MICAL3: variants seen among roughly 807,000 people sequenced by gnomAD.
MICAL3 encodes microtubule associated monooxygenase, calponin and LIM domain containing 3.
Under a neutral mutation model 207.4 loss-of-function variants are expected in MICAL3, and 62 were observed. That is an observed-to-expected ratio of 0.30 (90% confidence interval 0.24 to 0.37). MICAL3 has a LOEUF of 0.37. MICAL3 is among the 10% of genes least tolerant of loss of function. The pLI, the probability that MICAL3 is intolerant of heterozygous loss-of-function variation, is 1.00. For missense variants in MICAL3, 2,368 were observed against 2,635.6 expected, an observed-to-expected ratio of 0.90 and a Z score of 2.22; for synonymous variants, 1,077 against 1,069.3, an observed-to-expected ratio of 1.01 and a Z score of -0.14.
At position 17,978,057 on chromosome 22, in the gene MICAL3, TA is replaced by T. The variant is rs1236935142; in HGVS notation, c.-75+46223del. On this transcript the variant is annotated intron_variant, in intron 1 of 31. Transcript: ENST00000441493. The stretch of plus-strand genomic sequence containing the variant: ...AAATAAATAATAAAATAAAATAAAA[TA>T]AAAAAATATACACCTACACAAAAAC... 1.3e-4 allele frequency among the ~76,000 whole-genome samples: 18 copies of T among 137,634 alleles called. No homozygotes were observed. The East Asian group carries it at 3.1e-3, about 24-fold the overall frequency. The allele number at this position is 137,634 out of a possible 152,430, so 90.3% of individuals were successfully genotyped here.
chr22:17,928,881 AC>A (rs1480514597), intron 1 of MICAL3, among the ~76,000 whole-genome samples: 19 of 151,854 alleles, frequency 1.3e-4, no homozygotes, highest in Admixed American at 1.2e-3. Context: ...TGCAAGCTCC[AC>A]CTCCCGGGTT....
At chr22:17,990,568 C>T (rs1055361726) in intron 1 of MICAL3, among the ~76,000 whole-genome samples, 1 of 152,182 alleles carries the variant, frequency 6.6e-6, no homozygotes, top group Non-Finnish European at 1.5e-5. Flanking sequence ...GGATAAGGAA[C>T]ACACTCCCGG....
rs535688208 is a variant in MICAL3, at chr22:17,834,616, G to A, written c.2802-2509C>T. On this transcript the variant is annotated intron_variant, in intron 20 of 31. Coordinates refer to ENST00000441493, the MANE Select transcript of MICAL3 (RefSeq NM_015241.3). The stretch of plus-strand genomic sequence containing the variant: ...GCTCCTTATTCTCAAGGGGAGGAAA[G>A]GTGTACGCACATCATGCTAAAGCGC... 11 of 1,104,538 alleles carry A rather than the reference G, an allele frequency of 1.0e-5. No homozygotes were observed. The Admixed American group carries it at 1.4e-4, about 15-fold the overall frequency. The allele number at this position is 1,104,538 out of a possible 1,614,324, so 68.4% of individuals were successfully genotyped here. A position where few individuals can be genotyped will look rare whatever the true frequency, so the allele number is the denominator to read the frequency against.
rs547639800 is a variant in MICAL3, at chr22:17,952,910, C to T, written c.-74-46024G>A. Among the ~76,000 whole-genome samples the T allele has an allele frequency of 1.4e-4, 21 of 152,304 alleles. No individual in the cohort carries two copies. In the South Asian group the frequency reaches 1.7e-3, roughly 12 times the overall value. On this transcript the variant is annotated intron_variant, in intron 1 of 31. Coordinates refer to ENST00000441493, the MANE Select transcript of MICAL3 (RefSeq NM_015241.3). Reference sequence around the variant, plus strand: ...AGAAGACAACACCCACCTCAGAGCACGGTTGTAACATATGTAAAATGCCTT... The same window carrying T: ...AGAAGACAACACCCACCTCAGAGCATGGTTGTAACATATGTAAAATGCCTT...
intron 29 of MICAL3, among the ~76,000 whole-genome samples, chr22:17,797,735 G>A (rs112536424): frequency 0.011 from 1,672 of 152,320 alleles, 10 homozygotes; most frequent in Non-Finnish European, 0.017. Context: ...GATGATGCGG[G>A]AGACTACTAA....
chr22:17,805,428 T>C (rs2061979848), intron 29 of MICAL3, among the ~76,000 whole-genome samples: 1 of 152,274 alleles, frequency 6.6e-6, no homozygotes. Flanking sequence ...AATTCTTATA[T>C]TCTTATGGTA....
At chr22:17,899,597 T>C (rs747365066) in intron 6 of MICAL3, 49 bp from the exon 7 acceptor site, 14 of 1,220,928 alleles carry the variant, frequency 1.1e-5, no homozygotes, top group Non-Finnish European at 1.4e-5. Flanking sequence ...GAGATGAAGG[T>C]GCATCAGGGC....
At chr22:17,873,652 G>A (rs1292627177) in intron 16 of MICAL3, among the ~76,000 whole-genome samples, 7 of 152,340 alleles carry the variant, frequency 4.6e-5, no homozygotes, top group African/African-American at 1.7e-4. Flanking sequence ...GCTTATTTTA[G>A]AGGTTGAAGA....
rs867704491 is a variant in MICAL3, at chr22:17,987,214, C to A, written c.-75+37067G>T. 7.9e-4 allele frequency among the ~76,000 whole-genome samples: 121 copies of A among 152,246 alleles called. 2 individuals carry two copies. The highest frequency in any genetic ancestry group is 2.7e-3 in the African/African-American group (113 of 41,526). On this transcript the variant is annotated intron_variant, in intron 1 of 31. Coordinates refer to ENST00000441493, the MANE Select transcript of MICAL3 (RefSeq NM_015241.3). Reference sequence around the variant, plus strand: ...TATGATCATGCCACCGCACTCCAGCCTGGGTGACAGAGCAAGACCCTAACT... The same window carrying A: ...TATGATCATGCCACCGCACTCCAGCATGGGTGACAGAGCAAGACCCTAACT...
chr22:17,881,385 G>T, intron 16 of MICAL3: 1 of 1,168,830 alleles, frequency 8.6e-7, no homozygotes, highest in Non-Finnish European at 1.2e-6. Context: ...GGACTGAAGG[G>T]TGTTTGTCAG....
chr22:17,875,397 G>T, intron 16 of MICAL3: 3 of 1,205,840 alleles, frequency 2.5e-6, no homozygotes, highest in South Asian at 3.1e-5. Flanking sequence ...AAAGTGACGT[G>T]AGTGGAGGCT....
intron 19 of MICAL3, among the ~76,000 whole-genome samples, chr22:17,856,812 G>A (rs1050945753): frequency 2.6e-5 from 4 of 151,688 alleles, no homozygotes; most frequent in African/African-American, 4.8e-5. Flanking sequence ...TAGTAGAGAC[G>A]GGGTTTCACC....
chr22:17,801,825 C>T lies in MICAL3; in HGVS notation c.5650+7019G>A, dbSNP rs570123940. Among the ~76,000 whole-genome samples the T allele has an allele frequency of 3.1e-3, 478 of 152,052 alleles. 2 individuals are homozygous for T. Among genetic ancestry groups the T allele is most frequent in the African/African-American group, 0.011 (459 of 41,492 alleles). On this transcript the variant is annotated intron_variant, in intron 29 of 31. Transcript: ENST00000441493. ...AGGAGAATCGCTTGAACCCGGGAGG[C>T]GGAGCTTGCAGTGAGCCAAAATCGC...
chr22:17,863,331 T>G (rs1266011559), intron 19 of MICAL3: 1 of 985,284 alleles, frequency 1.0e-6, no homozygotes, highest in African/African-American at 1.7e-5. Flanking sequence ...AATCCATCTC[T>G]GATGAAATAG....
chr22:17,908,959 G>A (rs1931943682), intron 1 of MICAL3, among the ~76,000 whole-genome samples: 1 of 152,208 alleles, frequency 6.6e-6, no homozygotes, highest in Admixed American at 6.5e-5. Context: ...GAGCAGCAGT[G>A]TGAAGTAGAA....
At chr22:17,944,609 G>T (rs944112182) in intron 1 of MICAL3, among the ~76,000 whole-genome samples, 2 of 152,186 alleles carry the variant, frequency 1.3e-5, no homozygotes, top group African/African-American at 4.8e-5. Context: ...ACCCAGCAGT[G>T]CCAGGCAGCA....
intron 1 of MICAL3, among the ~76,000 whole-genome samples, chr22:17,957,734 GAA>G (rs1934696263): frequency 7.2e-6 from 1 of 138,904 alleles, no homozygotes; most frequent in African/African-American, 2.7e-5. Context: ...AAAAGAGAGA[GAA>G]AGAAAACGAG....
intron 29 of MICAL3, among the ~76,000 whole-genome samples, chr22:17,800,242 G>A (rs1201125180): frequency 2.6e-5 from 4 of 152,170 alleles, no homozygotes; most frequent in African/African-American, 9.7e-5. Flanking sequence ...TATAAATCAA[G>A]AGATGAGGTC....
rs183064673 is a variant in MICAL3, at chr22:17,810,265, G to A, written c.5556+438C>T. Among the ~76,000 whole-genome samples, 185 of 151,978 alleles carry A rather than the reference G, an allele frequency of 1.2e-3. 1 individual carries two copies. The highest frequency in any genetic ancestry group is 3.4e-3 in the Middle Eastern group (1 of 294). ...TTTTAGTAGAGACGGGGGTTTCACCGTGTTAGCCAGGATGGTCTCAATCTC... is the reference window on the plus strand; with the variant it reads ...TTTTAGTAGAGACGGGGGTTTCACCATGTTAGCCAGGATGGTCTCAATCTC... On this transcript the variant is annotated intron_variant, in intron 28 of 31. Coordinates refer to ENST00000441493, the MANE Select transcript of MICAL3 (RefSeq NM_015241.3).
Sources: allele counts gnomAD v4.1 joint callset (sites outside exome capture counted in the v4.1 genomes callset), GRCh38; gene constraint gnomAD v4.1.1; transcripts MANE v1.5; gene names NCBI Gene and HGNC (gene_info 2026-07-23, HGNC 2026-07-21).